GUCY2C: variants seen among roughly 807,000 people sequenced by gnomAD.
The protein encoded by GUCY2C is guanylyl cyclase C.
Under a neutral mutation model 131.1 loss-of-function variants are expected in GUCY2C, and 118 were observed. That is an observed-to-expected ratio of 0.90 (90% CI 0.78 to 1.05). The LOEUF is 1.05. GUCY2C is among the 50% of genes least tolerant of loss of function. The pLI, the probability that GUCY2C is intolerant of heterozygous loss-of-function variation, is 0.00. For missense variants in GUCY2C, 1,161 were observed against 1,304.4 expected (o/e 0.89, Z 1.69); for synonymous variants, 452 against 457.8 (o/e 0.99, Z 0.16).
chr12:14,619,613 G>A (rs1946852501), intron 23 of GUCY2C: 1 of 297,492 alleles, frequency 3.4e-6, no homozygotes, highest in Non-Finnish European at 6.3e-6. Flanking sequence ...CTCTCAGGAA[G>A]GATGAAGATG....
intron 18 of GUCY2C, 135 bp downstream of exon 18, chr12:14,640,947 T>G: frequency 2.7e-6 from 2 of 747,082 alleles, no homozygotes; most frequent in Admixed American, 2.4e-5. Context: ...ATAAAATGCA[T>G]AATGCAGATG....
chr12:14,667,713 TAC>T (rs1341053157), intron 10 of GUCY2C, among the ~76,000 whole-genome samples: 3 of 152,130 alleles, frequency 2.0e-5, no homozygotes, highest in African/African-American at 4.8e-5. Context: ...AAGAAACTAA[TAC>T]AGAGTCATTG....
At chr12:14,625,635 A>G in intron 21 of GUCY2C, 122 bp downstream of exon 21, 1 of 984,710 alleles carries the variant, frequency 1.0e-6, no homozygotes, top group Non-Finnish European at 1.5e-6. Flanking sequence ...GCCTGGCAGT[A>G]CGTGCATTTT....
At chr12:14,643,123 T>G (rs1409310815) in intron 17 of GUCY2C, among the ~76,000 whole-genome samples, 1 of 152,230 alleles carries the variant, frequency 6.6e-6, no homozygotes, top group Non-Finnish European at 1.5e-5. Flanking sequence ...GTTTTTTCCT[T>G]AACATTTCTT....
intron 6 of GUCY2C, among the ~76,000 whole-genome samples, chr12:14,678,288 A>G (rs1203506592): frequency 6.6e-6 from 1 of 152,260 alleles, no homozygotes; most frequent in Non-Finnish European, 1.5e-5. Flanking sequence ...CAAAACAACC[A>G]GAAGTGTCAG....
chr12:14,644,350 A>G (rs1007672263), intron 16 of GUCY2C, among the ~76,000 whole-genome samples: 1 of 152,214 alleles, frequency 6.6e-6, no homozygotes, highest in Non-Finnish European at 1.5e-5. Flanking sequence ...TGGGTGACAC[A>G]GTGAGACTCC....
intron 21 of GUCY2C, among the ~76,000 whole-genome samples, 168 bp downstream of exon 21, chr12:14,625,589 T>C (rs768645081): frequency 2.0e-5 from 3 of 152,196 alleles, no homozygotes; most frequent in Non-Finnish European, 4.4e-5. Flanking sequence ...TGCCTCAGCC[T>C]CTCAAAGTGC....
At chr12:14,682,603 G>C (rs1251754772) in intron 4 of GUCY2C, among the ~76,000 whole-genome samples, 1 of 152,022 alleles carries the variant, frequency 6.6e-6, no homozygotes, top group East Asian at 1.9e-4. Flanking sequence ...CCTACCTCTT[G>C]TTTCTCTGAA....
At chr12:14,642,067 A>G (rs1257603581) in intron 17 of GUCY2C, among the ~76,000 whole-genome samples, 1 of 152,220 alleles carries the variant, frequency 6.6e-6, no homozygotes, top group African/African-American at 2.4e-5. Context: ...ACATTAAGAC[A>G]AAGAGACTAT....
chr12:14,683,362 A>G (rs1948390299), intron 3 of GUCY2C, 105 bp from the exon 4 acceptor site: 1 of 702,452 alleles, frequency 1.4e-6, no homozygotes, highest in Non-Finnish European at 2.5e-6. Flanking sequence ...AAATGGTAAG[A>G]ATGAAATCGG....
chr12:14,672,607 A>G (rs1388810244), intron 9 of GUCY2C, among the ~76,000 whole-genome samples: 1 of 152,216 alleles, frequency 6.6e-6, no homozygotes, highest in Non-Finnish European at 1.5e-5. Context: ...GATATTTAAA[A>G]TATCTATACC....
At chr12:14,695,429 CT>C (rs1948638621) in intron 1 of GUCY2C, among the ~76,000 whole-genome samples, 1 of 151,864 alleles carries the variant, frequency 6.6e-6, no homozygotes, top group Non-Finnish European at 1.5e-5. Context: ...AGACCACCCC[CT>C]CTCTACTAAA....
chr12:14,670,934 G>A (rs1020711462), intron 9 of GUCY2C, among the ~76,000 whole-genome samples: 2 of 151,604 alleles, frequency 1.3e-5, no homozygotes, highest in Non-Finnish European at 2.9e-5. Flanking sequence ...TTACATGGTG[G>A]CAGCAAGAGA....
chr12:14,645,169 TTGTTAGATC>T, intron 16 of GUCY2C, 51 bp downstream of exon 16: 1 of 895,188 alleles, frequency 1.1e-6, no homozygotes, highest in South Asian at 1.5e-5. Context: ...GTTGAATAAC[TTGTTAGATC>T]TGTTTTCTTA....
At chr12:14,671,929 A>G (rs1948120864) in intron 9 of GUCY2C, among the ~76,000 whole-genome samples, 1 of 152,240 alleles carries the variant, frequency 6.6e-6, no homozygotes, top group African/African-American at 2.4e-5. Flanking sequence ...CATTTATGGA[A>G]TGCTGCTAGC....
intron 19 of GUCY2C, among the ~76,000 whole-genome samples, chr12:14,635,584 G>A (rs888757745): frequency 6.6e-6 from 1 of 151,898 alleles, no homozygotes; most frequent in Non-Finnish European, 1.5e-5. Flanking sequence ...AGTTCGTAGA[G>A]GGAAAGAAAT....
chr12:14,672,629 A>C (rs373295853), intron 9 of GUCY2C, among the ~76,000 whole-genome samples: 1 of 152,216 alleles, frequency 6.6e-6, no homozygotes, highest in African/African-American at 2.4e-5. Context: ...ATCTATATGG[A>C]TATTGATATA....
At chr12:14,619,400 C>T in intron 23 of GUCY2C, 91 bp from the exon 24 acceptor site, 1 of 760,292 alleles carries the variant, frequency 1.3e-6, no homozygotes, top group Non-Finnish European at 2.3e-6. Context: ...GGTCACAATC[C>T]TGAATACTTC....
chr12:14,688,567 T>G (rs1228583854), intron 1 of GUCY2C, among the ~76,000 whole-genome samples: 2 of 152,214 alleles, frequency 1.3e-5, no homozygotes, highest in African/African-American at 4.8e-5. Context: ...GGCTGCAGTC[T>G]TCCTTGGTCT....
Sources: gnomAD v4.1 joint callset for allele counts (sites outside exome capture counted in the v4.1 genomes callset) on GRCh38, gnomAD v4.1.1 for gene constraint, MANE v1.5 for transcripts, NCBI Gene and HGNC (gene_info 2026-07-23, HGNC 2026-07-21) for gene names.